The following APOLD1 variants were observed in gnomAD, a reference collection of about 807,000 sequenced individuals.
APOLD1 encodes the protein apolipoprotein L domain-containing protein 1.
In APOLD1, 22 loss-of-function variants were observed where a neutral mutation model predicts 15.3. The observed-to-expected ratio is 1.44, with a 90% CI of 1.03 to 2.05. APOLD1 has a LOEUF of 2.05. APOLD1 is among the 30% of genes most tolerant of loss of function. APOLD1 has a pLI of 0.00. For synonymous variants in APOLD1, 190 were observed against 167.4 expected (o/e 1.13, Z -1.04); for missense variants, 394 against 353.5 (o/e 1.11, Z -0.92).
At chr12:12,778,172 C>T (rs992101366) in intron 1 of APOLD1, among the ~76,000 whole-genome samples, 5 of 151,826 alleles carry the variant, frequency 3.3e-5, no homozygotes, top group South Asian at 2.1e-4. Context: ...TCAAGCAGTC[C>T]GCCAGCCTTG....
At chr12:12,741,074 C>T (rs1048341717) in intron 1 of APOLD1, among the ~76,000 whole-genome samples, 5 of 152,036 alleles carry the variant, frequency 3.3e-5, no homozygotes, top group Admixed American at 2.6e-4. Context: ...TTTTTTGTAC[C>T]TCTTACCAAG....
chr12:12,770,980 C>T (rs990499767), intron 1 of APOLD1, among the ~76,000 whole-genome samples: 10 of 151,928 alleles, frequency 6.6e-5, no homozygotes, highest in African/African-American at 2.4e-4. Flanking sequence ...GAAAAAAATC[C>T]CACCAACCTA....
intron 1 of APOLD1, among the ~76,000 whole-genome samples, chr12:12,744,383 C>T (rs908378265): frequency 6.7e-6 from 1 of 150,232 alleles, no homozygotes; most frequent in Non-Finnish European, 1.5e-5. Flanking sequence ...CTGAGGTGGG[C>T]AGATCACCTG....
chr12:12,787,888 A>C lies in APOLD1; in HGVS notation c.*236A>C, dbSNP rs1009701629. On this transcript the variant is annotated 3_prime_UTR_variant, in exon 2 of 2. Coordinates refer to ENST00000356591, the MANE Select transcript of APOLD1 (RefSeq NM_030817.3). The surrounding 1 kb of genome is among the most constrained non-coding windows in gnomAD (Gnocchi z 4.9). ...TCTTCCTAGTGGAAAAATGTGACCC[A>C]AAAACTCTTTTTCCTTTATCAAAAA... is the stretch of plus-strand genomic sequence containing the variant. 5.5e-6 allele frequency: 3 copies of C among 543,910 alleles called. No individual in the cohort carries two copies. The highest frequency in any genetic ancestry group is 1.9e-5 in the African/African-American group (1 of 51,656). 33.7% of individuals were successfully genotyped at this position (543,910 alleles called of 1,614,324 possible).
intron 1 of APOLD1, chr12:12,726,422 AC>A: frequency 5.1e-6 from 2 of 388,538 alleles, no homozygotes; most frequent in Non-Finnish European, 9.9e-6. Flanking sequence ...ATTTAGGATG[AC>A]TTTTTTTTTC....
Position 12,787,100 on chromosome 12 carries a change from G to C in APOLD1, c.195G>C (p.Thr65=), listed in dbSNP as rs756561558. ...ANVAGSSLSA[T]GALAAIVGLS... Reference sequence around the variant, plus strand: ...TGGCCGGCAGCTCGCTGAGCGCAACGGGCGCCCTCGCCGCCATCGTGGGGC... The same window carrying C: ...TGGCCGGCAGCTCGCTGAGCGCAACCGGCGCCCTCGCCGCCATCGTGGGGC... The change falls in exon 2 of 2, where the codon ACG becomes ACC. Residue 65 remains threonine (T), a synonymous_variant. Coordinates refer to ENST00000356591, the MANE Select transcript of APOLD1 (RefSeq NM_030817.3). This position sits in a 1 kb window ranked among gnomAD's most constrained non-coding sequence, Gnocchi z 4.9. 1.4e-6 allele frequency: 2 copies of C among 1,412,102 alleles called. No homozygotes were observed. Among genetic ancestry groups the C allele is most frequent in the Non-Finnish European group, 1.8e-6 (2 of 1,093,902 alleles). The allele number at this position is 1,412,102 out of a possible 1,614,324, so 87.5% of individuals were successfully genotyped here. A position where few individuals can be genotyped will look rare whatever the true frequency, so the allele number is the denominator to read the frequency against.
intron 1 of APOLD1, chr12:12,764,586 AT>A: frequency 3.1e-6 from 1 of 321,762 alleles, no homozygotes; most frequent in South Asian, 3.0e-5. Context: ...AACTTTCTAT[AT>A]TTTAATTTTT....
In APOLD1 at chr12:12,788,297, C is replaced by G. The variant is rs1406408867; in HGVS notation, c.*645C>G. 1 of 152,212 alleles carries G rather than the reference C, an allele frequency of 6.6e-6. No homozygotes were observed. 9.4% of individuals were successfully genotyped at this position (152,212 alleles called of 1,614,324 possible). On this transcript the variant is annotated 3_prime_UTR_variant, in exon 2 of 2. Transcript: ENST00000356591. Reference sequence around the variant, plus strand: ...CTCCCAATCCAGTCCTCCAAGTACTCAGAGGGGAAGCCCGTGAAGCCGTCA... The same window carrying G: ...CTCCCAATCCAGTCCTCCAAGTACTGAGAGGGGAAGCCCGTGAAGCCGTCA...
intron 1 of APOLD1, among the ~76,000 whole-genome samples, chr12:12,778,881 C>T (rs1655586323): frequency 6.6e-6 from 1 of 152,222 alleles, no homozygotes; most frequent in African/African-American, 2.4e-5. Context: ...ATCCTTCACA[C>T]AACTGTCACA....
intron 1 of APOLD1, among the ~76,000 whole-genome samples, chr12:12,761,844 G>GAGAGAGAGAGAC (rs1946902941): frequency 1.4e-5 from 2 of 148,136 alleles, no homozygotes; most frequent in Non-Finnish European, 1.5e-5. Flanking sequence ...GAGAGAGAGA[G>GAGAGAGAGAGAC]AGAGAGAGAG....
intron 1 of APOLD1, chr12:12,764,849 GC>G (rs1946932690): frequency 4.5e-6 from 1 of 222,190 alleles, no homozygotes; most frequent in African/African-American, 2.3e-5. Context: ...ACTCTGCTGG[GC>G]TAACAAATAA....
chr12:12,787,122 G>T lies in APOLD1; in HGVS notation c.217G>T (p.Gly73Trp). ...SATGALAAIV[G>W]LSLSPVTLGT... ...AACGGGCGCCCTCGCCGCCATCGTG[G>T]GGCTCTCGCTCAGCCCGGTCACCCT... The change falls in exon 2 of 2, where the codon GGG (glycine) becomes TGG (tryptophan). Residue 73 changes from glycine (G) to tryptophan (W), a missense_variant. Physicochemically the swap from Gly to Trp is radical, Grantham distance 184. Transcript: ENST00000356591. This position sits in a 1 kb window ranked among gnomAD's most constrained non-coding sequence, Gnocchi z 4.9. 6.9e-7 allele frequency: 1 copy of T among 1,449,756 alleles called. No homozygotes were observed. The highest frequency in any genetic ancestry group is 9.0e-7 in the Non-Finnish European group (1 of 1,112,660). The allele number at this position is 1,449,756 out of a possible 1,614,324, so 89.8% of individuals were successfully genotyped here.
intron 1 of APOLD1, among the ~76,000 whole-genome samples, chr12:12,751,710 C>T (rs1946813593): frequency 6.6e-6 from 1 of 152,130 alleles, no homozygotes; most frequent in Non-Finnish European, 1.5e-5. Flanking sequence ...TAATGGGCCC[C>T]CAAGTATGTT....
intron 1 of APOLD1, among the ~76,000 whole-genome samples, chr12:12,743,272 T>A (rs1946741432): frequency 1.3e-5 from 2 of 152,264 alleles, no homozygotes; most frequent in South Asian, 4.1e-4. Context: ...GTCACACACT[T>A]GTATTCCTAG....
chr12:12,756,432 T>C (rs1388342077), intron 1 of APOLD1, among the ~76,000 whole-genome samples: 2 of 152,234 alleles, frequency 1.3e-5, no homozygotes, highest in Non-Finnish European at 2.9e-5. Flanking sequence ...GTTAATCTTT[T>C]CAAGAATTTT....
In APOLD1 at chr12:12,788,576, T is replaced by G. The variant is rs1947153840; in HGVS notation, c.*924T>G. ...GCCAAAGTGCCTAGCATGATGGTGC[T>G]GGCTCATATAGTGTAGTCCCTGGAA... On this transcript the variant is annotated 3_prime_UTR_variant, in exon 2 of 2. Coordinates refer to ENST00000356591, the MANE Select transcript of APOLD1 (RefSeq NM_030817.3). 6.6e-6 allele frequency: 1 copy of G among 152,246 alleles called. No homozygotes were observed. The highest frequency in any genetic ancestry group is 2.1e-4 in the South Asian group (1 of 4,832). 9.4% of individuals were successfully genotyped at this position (152,246 alleles called of 1,614,324 possible). A position where few individuals can be genotyped will look rare whatever the true frequency, so the allele number is the denominator to read the frequency against.
intron 1 of APOLD1, among the ~76,000 whole-genome samples, chr12:12,747,169 T>C (rs1449072030): frequency 6.6e-6 from 1 of 152,206 alleles, no homozygotes; most frequent in African/African-American, 2.4e-5. Context: ...TGGAGTGCAG[T>C]GGTGCCATTA....
intron 1 of APOLD1, among the ~76,000 whole-genome samples, chr12:12,731,377 C>T (rs1946640534): frequency 6.6e-6 from 1 of 152,120 alleles, no homozygotes; most frequent in Non-Finnish European, 1.5e-5. Context: ...ATTTTTACCA[C>T]AATAAAATCT....
chr12:12,788,742 A>T lies in APOLD1; in HGVS notation c.*1090A>T, dbSNP rs541690373. 1 of 152,186 alleles carries T rather than the reference A, an allele frequency of 6.6e-6. No homozygotes were observed. The highest frequency in any genetic ancestry group is 1.5e-5 in the Non-Finnish European group (1 of 68,036). 9.4% of individuals were successfully genotyped at this position (152,186 alleles called of 1,614,324 possible). A position where few individuals can be genotyped will look rare whatever the true frequency, so the allele number is the denominator to read the frequency against. ...ATTTCTCTGGGTGGTTCTGCGGCAC[A>T]CTAAGGTTTGAAAATCACTGCAACA... On this transcript the variant is annotated 3_prime_UTR_variant, in exon 2 of 2. Transcript: ENST00000356591.
Sources: allele counts gnomAD v4.1 joint callset (sites outside exome capture counted in the v4.1 genomes callset), GRCh38; gene constraint gnomAD v4.1.1; non-coding constraint Gnocchi (gnomAD v3.1); transcripts MANE v1.5; gene names NCBI Gene and HGNC (gene_info 2026-07-23, HGNC 2026-07-21).